TBCD: variants seen among roughly 807,000 people sequenced by gnomAD.
TBCD encodes tubulin folding cofactor D.
TBCD carries 105 observed loss-of-function variants against 169.3 expected under a neutral mutation model. The observed-to-expected ratio is 0.62, with a 90% CI of 0.53 to 0.73. TBCD has a LOEUF of 0.73. TBCD is among the 30% of genes least tolerant of loss of function. TBCD has a pLI of 0.00. For missense variants in TBCD, 1,444 were observed against 1,600.1 expected, an observed-to-expected ratio of 0.90 and a Z score of 1.66; for synonymous variants, 700 against 643.9, an observed-to-expected ratio of 1.09 and a Z score of -1.32.
At chr17:82,809,180 G>C (rs1417993216) in intron 11 of TBCD, among the ~76,000 whole-genome samples, 1 of 152,062 alleles carries the variant, frequency 6.6e-6, no homozygotes, top group African/African-American at 2.4e-5. Flanking sequence ...TGAGAGGCTG[G>C]GCAGGCCTTC....
chr17:82,909,381 G>A (rs1464528731), intron 22 of TBCD, 74 bp downstream of exon 22: 16 of 1,302,466 alleles, frequency 1.2e-5, no homozygotes, highest in East Asian at 7.7e-5. Flanking sequence ...CAGGCGGGGC[G>A]GGTGTGTTCG....
At chr17:82,868,276 G>A (rs1008298545) in intron 13 of TBCD, among the ~76,000 whole-genome samples, 7 of 152,122 alleles carry the variant, frequency 4.6e-5, no homozygotes, top group Admixed American at 3.3e-4. Context: ...AAGCTGCAGC[G>A]CATCCAGGTG....
At chr17:82,827,482 G>C (rs956745075) in intron 13 of TBCD, among the ~76,000 whole-genome samples, 1 of 152,200 alleles carries the variant, frequency 6.6e-6, no homozygotes, top group African/African-American at 2.4e-5. Flanking sequence ...GCACTCTGAA[G>C]CCTGAGGACC....
intron 12 of TBCD, among the ~76,000 whole-genome samples, chr17:82,812,680 A>G (rs556581406): frequency 8.5e-5 from 13 of 152,284 alleles, no homozygotes; most frequent in African/African-American, 3.1e-4. Flanking sequence ...AGTAGCTGGG[A>G]CTACAGGCGT....
Position 82,945,373 on chromosome 17 carries a change from T to A in TBCD, c.*2910T>A, listed in dbSNP as rs1271700904. On this transcript the variant is annotated 3_prime_UTR_variant, in exon 39 of 39. Transcript: ENST00000355528. ...ATACTGACATGCAACAGTCCCCAGA[T>A]ACAGAAGCCTAACAGTCTCACATTT... is the stretch of plus-strand genomic sequence containing the variant. The A allele has an allele frequency of 1.3e-5, 2 of 152,212 alleles. No homozygotes were observed. Among genetic ancestry groups the A allele is most frequent in the African/African-American group, 4.8e-5 (2 of 41,454 alleles). The allele number at this position is 152,212 out of a possible 1,614,324, so 9.4% of individuals were successfully genotyped here. A position where few individuals can be genotyped will look rare whatever the true frequency, so the allele number is the denominator to read the frequency against.
chr17:82,937,961 T>C, intron 35 of TBCD, 88 bp from the exon 36 acceptor site: 1 of 1,571,504 alleles, frequency 6.4e-7, no homozygotes, highest in Non-Finnish European at 8.6e-7. Context: ...TCTGCCCAGG[T>C]CTCTGCATGG....
At chr17:82,847,356 G>GAA (rs1041994030) in intron 13 of TBCD, among the ~76,000 whole-genome samples, 35 of 81,742 alleles carry the variant, frequency 4.3e-4, no homozygotes, top group Non-Finnish European at 4.7e-4. Flanking sequence ...CCATGTCAAA[G>GAA]AAAAAAAAAA....
chr17:82,888,464 T>C (rs1567964488), intron 15 of TBCD, among the ~76,000 whole-genome samples: 1 of 152,276 alleles, frequency 6.6e-6, no homozygotes, highest in African/African-American at 2.4e-5. Flanking sequence ...TGTTACAGTA[T>C]ATCTTTGTTG....
At chr17:82,853,640 A>C (rs1169475863) in intron 13 of TBCD, among the ~76,000 whole-genome samples, 1 of 151,954 alleles carries the variant, frequency 6.6e-6, no homozygotes, top group Non-Finnish European at 1.5e-5. Flanking sequence ...CCTCGCCTCA[A>C]ATGATCCTCT....
rs764290216 is a variant in TBCD at position 82,789,363 on chromosome 17, G to A, written c.771+7642G>A. ...CCTGGCCCATCCCTGCTGAGGTGGC[G>A]CGACCTGCTCACAGACGTGTGCTCA... On this transcript the variant is annotated intron_variant, in intron 7 of 38. Coordinates refer to ENST00000355528, the MANE Select transcript of TBCD (RefSeq NM_005993.5). The surrounding 1 kb of genome is among the most constrained non-coding windows in gnomAD (Gnocchi z 4.8). Among the ~76,000 whole-genome samples, 20 of 152,318 alleles carry A rather than the reference G, an allele frequency of 1.3e-4. No individual in the cohort carries two copies. The highest frequency in any genetic ancestry group is 2.6e-4 in the Non-Finnish European group (18 of 68,028).
rs997915232 is a variant in TBCD, at chr17:82,915,419, G to A, written c.2038+3630G>A. Among the ~76,000 whole-genome samples the A allele has an allele frequency of 6.6e-6, 1 of 152,190 alleles. No individual in the cohort carries two copies. The highest frequency in any genetic ancestry group is 2.4e-5 in the African/African-American group (1 of 41,454). On this transcript the variant is annotated intron_variant, in intron 23 of 38. Transcript: ENST00000355528. The surrounding 1 kb of genome is among the most constrained non-coding windows in gnomAD (Gnocchi z 4.3). Reference sequence around the variant, plus strand: ...ATTCACGAGAGGAGATGAACATCCTGGATGTCCTCAGCGTGGCCTGAACTG... The same window carrying A: ...ATTCACGAGAGGAGATGAACATCCTAGATGTCCTCAGCGTGGCCTGAACTG...
intron 5 of TBCD, among the ~76,000 whole-genome samples, chr17:82,771,918 C>T (rs539807393): frequency 7.3e-6 from 1 of 137,540 alleles, no homozygotes; most frequent in African/African-American, 2.7e-5. Flanking sequence ...AGCAAGACTC[C>T]GTCTCAAAAA....
rs116283293 is a variant in TBCD, at chr17:82,828,711, G to A, written c.1318+13777G>A. Among the ~76,000 whole-genome samples the A allele has an allele frequency of 8.1e-3, 1,204 of 147,906 alleles. 13 individuals carry two copies. The highest frequency in any genetic ancestry group is 0.029 in the African/African-American group (1,148 of 39,836). On this transcript the variant is annotated intron_variant, in intron 13 of 38. Transcript: ENST00000355528. Reference sequence around the variant, plus strand: ...GTGTGCACACACCCATACATAATGCGCATGCACTCACATGATTGAATGTGC... The same window carrying A: ...GTGTGCACACACCCATACATAATGCACATGCACTCACATGATTGAATGTGC...
At chr17:82,938,242 G>A in intron 36 of TBCD, 106 bp downstream of exon 36, 1 of 1,305,412 alleles carries the variant, frequency 7.7e-7, no homozygotes, top group East Asian at 2.5e-5. Context: ...TTCCAGCCGA[G>A]CCCCTCTCGT....
At position 82,915,027 on chromosome 17, in the gene TBCD, G is replaced by A. The variant is rs1233864745; in HGVS notation, c.2038+3238G>A. Among the ~76,000 whole-genome samples, 2 of 152,064 alleles carry A rather than the reference G, an allele frequency of 1.3e-5. No individual in the cohort carries two copies. The highest frequency in any genetic ancestry group is 2.4e-5 in the African/African-American group (1 of 41,384). ...CTGTATTTCTGAGTTCTGTATGTAC[G>A]CAGCTGTTTCCTGATATCCTTAGTT... On this transcript the variant is annotated intron_variant, in intron 23 of 38. Transcript: ENST00000355528. The surrounding 1 kb of genome is among the most constrained non-coding windows in gnomAD (Gnocchi z 4.3).
intron 23 of TBCD, among the ~76,000 whole-genome samples, chr17:82,919,625 G>GT (rs775143952): frequency 5.9e-5 from 9 of 152,144 alleles, no homozygotes; most frequent in Non-Finnish European, 8.8e-5. Context: ...AGGCATGGAA[G>GT]TACCAGGTTA....
At chr17:82,917,019 C>CTT (rs59331670) in intron 23 of TBCD, among the ~76,000 whole-genome samples, 25,055 of 108,196 alleles carry the variant, frequency 0.23, 4,184 homozygotes, top group East Asian at 0.39. Context: ...TTTTTCTTTT[C>CTT]TTTTCTTTTT....
At position 82,930,658 on chromosome 17, in the gene TBCD, T is replaced by C. The variant is rs1211444277; in HGVS notation, c.3113+15T>C. 2.5e-6 allele frequency: 4 copies of C among 1,613,818 alleles called. No homozygotes were observed. Among genetic ancestry groups the C allele is most frequent in the African/African-American group, 1.3e-5 (1 of 75,046 alleles). On this transcript the variant is annotated intron_variant, in intron 33 of 38. Transcript: ENST00000355528. This position sits in a 1 kb window ranked among gnomAD's most constrained non-coding sequence, Gnocchi z 5.2. The stretch of plus-strand genomic sequence containing the variant: ...CTGAATGAGAGGTGAGTGGTGTCTC[T>C]TGGGGCCTCAGAGGCGTGAGTGGTG...
rs535712226 is a variant in TBCD at position 82,881,491 on chromosome 17, C to T, written c.1476-2654C>T. On this transcript the variant is annotated intron_variant, in intron 14 of 38. Coordinates refer to ENST00000355528, the MANE Select transcript of TBCD (RefSeq NM_005993.5). ...GAGCTGCCAGGCCACTCCTGACAGC[C>T]CCGCACCCGCTCTGGATGGAAGCTT... is the stretch of plus-strand genomic sequence containing the variant. Among the ~76,000 whole-genome samples the T allele has an allele frequency of 6.6e-5, 10 of 152,282 alleles. No individual in the cohort carries two copies. The East Asian group carries it at 1.9e-3, about 30-fold the overall frequency.
Sources: gnomAD v4.1 joint callset for allele counts (sites outside exome capture counted in the v4.1 genomes callset) on GRCh38, gnomAD v4.1.1 for gene constraint, Gnocchi (gnomAD v3.1) non-coding constraint, MANE v1.5 for transcripts, NCBI Gene and HGNC (gene_info 2026-07-23, HGNC 2026-07-21) for gene names.